NEDD9: variants seen among roughly 807,000 people sequenced by gnomAD.
NEDD9 encodes enhancer of filamentation 1.
NEDD9 carries 26 observed loss-of-function variants against 76.6 expected under a neutral mutation model. The observed-to-expected ratio is 0.34, with a 90% CI of 0.25 to 0.47. The LOEUF is 0.47. Ranked by LOEUF, NEDD9 falls within the 20% of genes least tolerant of loss-of-function variation. The pLI is 1.00. For missense variants in NEDD9, 937 were observed against 1,058.5 expected, an observed-to-expected ratio of 0.89 and a Z score of 1.59; for synonymous variants, 392 against 414.2, an observed-to-expected ratio of 0.95 and a Z score of 0.65.
At chr6:11,278,482 C>G (rs374434453) in intron 3 of NEDD9, among the ~76,000 whole-genome samples, 8 of 152,222 alleles carry the variant, frequency 5.3e-5, no homozygotes, top group African/African-American at 1.7e-4. Flanking sequence ...ACCACTGGTC[C>G]TTTCTACCTC....
intron 2 of NEDD9, among the ~76,000 whole-genome samples, chr6:11,206,048 A>G (rs977409140): frequency 6.6e-5 from 10 of 152,274 alleles, no homozygotes; most frequent in Non-Finnish European, 1.2e-4. Context: ...GCTAGTTAGA[A>G]TGAAGTGCTT....
At chr6:11,374,136 C>T (rs1762932181) in intron 1 of NEDD9, among the ~76,000 whole-genome samples, 1 of 152,052 alleles carries the variant, frequency 6.6e-6, no homozygotes, top group African/African-American at 2.4e-5. Flanking sequence ...CCCTAATACA[C>T]CCACCTTACT....
At chr6:11,222,176 C>T (rs1759162530) in intron 1 of NEDD9, among the ~76,000 whole-genome samples, 1 of 152,302 alleles carries the variant, frequency 6.6e-6, no homozygotes, top group African/African-American at 2.4e-5. Context: ...AGCTATGCAG[C>T]CCAAGGTTAT....
At chr6:11,262,694 A>G (rs1760136927) in intron 3 of NEDD9, among the ~76,000 whole-genome samples, 1 of 152,258 alleles carries the variant, frequency 6.6e-6, no homozygotes, top group Non-Finnish European at 1.5e-5. Flanking sequence ...CAAAATAGAA[A>G]AGTCTGAGTT....
At chr6:11,353,933 TG>T (rs1246190190) in intron 1 of NEDD9, among the ~76,000 whole-genome samples, 1 of 152,144 alleles carries the variant, frequency 6.6e-6, no homozygotes, top group East Asian at 1.9e-4. Context: ...GGAAGAGTGA[TG>T]GGGGCCATAA....
rs1182320925 is a variant in NEDD9, at chr6:11,241,173, C to T, written c.13-27446G>A. On this transcript the variant is annotated intron_variant, in intron 3 of 3. Coordinates refer to the NEDD9 transcript ENST00000397378. The surrounding 1 kb of genome is among the most constrained non-coding windows in gnomAD (Gnocchi z 4.0). ...TGGCTGAAATGAGAGTGGCCGTCTC[C>T]TCTTTCCGGAGGCACTGCCCAAACA... 6.6e-6 allele frequency among the ~76,000 whole-genome samples: 1 copy of T among 152,182 alleles called. No individual in the cohort carries two copies. The highest frequency in any genetic ancestry group is 2.4e-5 in the African/African-American group (1 of 41,434).
chr6:11,227,116 G>A (rs1199937964), intron 1 of NEDD9, among the ~76,000 whole-genome samples: 2 of 152,206 alleles, frequency 1.3e-5, no homozygotes, highest in African/African-American at 2.4e-5. Flanking sequence ...GAACAATAAT[G>A]AAGGAATCAA....
At chr6:11,373,627 T>C (rs1022160798) in intron 1 of NEDD9, among the ~76,000 whole-genome samples, 2 of 152,112 alleles carry the variant, frequency 1.3e-5, no homozygotes, top group Middle Eastern at 3.2e-3. Context: ...CCATACAGAG[T>C]CCTTAACAGA....
intron 3 of NEDD9, among the ~76,000 whole-genome samples, chr6:11,279,971 G>T (rs941985797): frequency 6.6e-6 from 1 of 152,210 alleles, no homozygotes; most frequent in Non-Finnish European, 1.5e-5. Context: ...TGCAGCTACA[G>T]CCTTGTCCAG....
intron 1 of NEDD9, among the ~76,000 whole-genome samples, chr6:11,364,243 C>T (rs371184162): frequency 2.0e-5 from 3 of 152,150 alleles, no homozygotes; most frequent in Non-Finnish European, 4.4e-5. Context: ...TGTCATAACT[C>T]GTTGCTGGAG....
At chr6:11,363,158 G>T (rs1217215143) in intron 1 of NEDD9, among the ~76,000 whole-genome samples, 3 of 152,170 alleles carry the variant, frequency 2.0e-5, no homozygotes, top group African/African-American at 7.2e-5. Context: ...TACTACAGTT[G>T]CTTAGCATTC....
At chr6:11,247,215 C>T (rs761690036) in intron 3 of NEDD9, among the ~76,000 whole-genome samples, 16 of 152,188 alleles carry the variant, frequency 1.1e-4, no homozygotes, top group Non-Finnish European at 1.8e-4. Flanking sequence ...TCCCTGCATA[C>T]TCAGCTCAAG....
At chr6:11,221,364 C>T (rs1364630795) in intron 1 of NEDD9, among the ~76,000 whole-genome samples, 1 of 140,172 alleles carries the variant, frequency 7.1e-6, no homozygotes, top group Non-Finnish European at 1.5e-5. Flanking sequence ...GCCTGGGTGA[C>T]AGAGCGAGAC....
chr6:11,373,240 G>T (rs1350479732), intron 1 of NEDD9, among the ~76,000 whole-genome samples: 1 of 151,726 alleles, frequency 6.6e-6, no homozygotes, highest in African/African-American at 2.4e-5. Context: ...TATGCAATTT[G>T]TTAATTTTCA....
intron 2 of NEDD9, among the ~76,000 whole-genome samples, chr6:11,318,308 G>A (rs79448260): frequency 0.022 from 3,303 of 152,154 alleles, 116 homozygotes; most frequent in African/African-American, 0.076. Context: ...TGAGAACCCT[G>A]AGTAATGCAG....
intron 1 of NEDD9, among the ~76,000 whole-genome samples, chr6:11,375,544 T>C (rs970270678): frequency 6.6e-6 from 1 of 152,164 alleles, no homozygotes; most frequent in Non-Finnish European, 1.5e-5. Flanking sequence ...TGGGGCCTAG[T>C]AGGAGGTATT....
intron 3 of NEDD9, among the ~76,000 whole-genome samples, chr6:11,284,425 G>A (rs1282944954): frequency 6.6e-6 from 1 of 150,700 alleles, no homozygotes; most frequent in African/African-American, 2.4e-5. Flanking sequence ...AAGTAGCTGG[G>A]CATGGTGGTG....
intron 3 of NEDD9, chr6:11,192,699 C>T (rs1398313628): frequency 6.0e-6 from 2 of 332,378 alleles, no homozygotes; most frequent in East Asian, 1.9e-4. Context: ...CTTTGGGAGG[C>T]TGAGGTGGGC....
At chr6:11,359,324 G>A (rs1290437027) in intron 1 of NEDD9, among the ~76,000 whole-genome samples, 1 of 152,236 alleles carries the variant, frequency 6.6e-6, no homozygotes, top group African/African-American at 2.4e-5. Flanking sequence ...AGAAGCAAAT[G>A]GGCCTTTGCC....
Sources: allele counts gnomAD v4.1 joint callset (sites outside exome capture counted in the v4.1 genomes callset), GRCh38; gene constraint gnomAD v4.1.1; non-coding constraint Gnocchi (gnomAD v3.1); transcripts MANE v1.5; gene names NCBI Gene and HGNC (gene_info 2026-07-23, HGNC 2026-07-21).